Variants in AKAP19 observed in about 807,000 individuals in gnomAD.
AKAP19 encodes small A-kinase anchoring protein.
chr2:190,190,971 C>T, the AKAP19 span, among the ~76,000 whole-genome samples: 1 of 152,120 alleles, frequency 6.6e-6, no homozygotes. Context: ...AATCTATCAT[C>T]TGTCCCTATA....
At chr2:190,054,341 A>G in the AKAP19 span, among the ~76,000 whole-genome samples, 1 of 152,200 alleles carries the variant, frequency 6.6e-6, no homozygotes. Context: ...AAATTAATTC[A>G]AGATGGATTA....
At chr2:189,984,579 A>G in the AKAP19 span, among the ~76,000 whole-genome samples, 1 of 152,198 alleles carries the variant, frequency 6.6e-6, no homozygotes, top group African/African-American at 2.4e-5. Flanking sequence ...GAGGCGACAT[A>G]CATCCTCCTC....
chr2:189,955,064 C>T, the AKAP19 span, among the ~76,000 whole-genome samples: 2 of 152,144 alleles, frequency 1.3e-5, no homozygotes, highest in African/African-American at 4.8e-5. Flanking sequence ...GTACATTGTA[C>T]TCCATAGGAT....
the AKAP19 span, among the ~76,000 whole-genome samples, chr2:190,104,659 G>T: frequency 6.6e-6 from 1 of 152,060 alleles, no homozygotes; most frequent in African/African-American, 2.4e-5. Context: ...GCATGGTGGT[G>T]TGTGCCTGTA....
At chr2:190,074,502 T>C in the AKAP19 span, among the ~76,000 whole-genome samples, 2 of 151,940 alleles carry the variant, frequency 1.3e-5, no homozygotes, top group Admixed American at 1.3e-4. Context: ...AATACAAAAA[T>C]TAGCTGGGCG....
chr2:190,093,663 T>G, the AKAP19 span, among the ~76,000 whole-genome samples: 35 of 152,338 alleles, frequency 2.3e-4, no homozygotes, highest in East Asian at 6.6e-3. Flanking sequence ...ATCCATAATT[T>G]CATTTCATTT....
the AKAP19 span, among the ~76,000 whole-genome samples, chr2:189,883,771 C>T: frequency 6.6e-6 from 1 of 151,978 alleles, no homozygotes; most frequent in Non-Finnish European, 1.5e-5. Context: ...TTACAGCACT[C>T]AGTACTACTG....
chr2:190,083,621 T>G, the AKAP19 span, among the ~76,000 whole-genome samples: 1 of 152,210 alleles, frequency 6.6e-6, no homozygotes, highest in African/African-American at 2.4e-5. Context: ...TGACATTGAT[T>G]AGTGATTAGC....
At chr2:189,947,674 T>C in the AKAP19 span, among the ~76,000 whole-genome samples, 11 of 152,204 alleles carry the variant, frequency 7.2e-5, no homozygotes, top group Non-Finnish European at 1.3e-4. Flanking sequence ...TCATCATTAT[T>C]AAGTGATAAT....
the AKAP19 span, among the ~76,000 whole-genome samples, chr2:190,142,577 C>T: frequency 6.6e-6 from 1 of 152,172 alleles, no homozygotes; most frequent in Non-Finnish European, 1.5e-5. Context: ...CCAGAGGCTT[C>T]CCTATCTGTG....
At chr2:189,918,004 A>T in the AKAP19 span, among the ~76,000 whole-genome samples, 1 of 151,990 alleles carries the variant, frequency 6.6e-6, no homozygotes, top group East Asian at 1.9e-4. Flanking sequence ...ATATTACATT[A>T]TATATACATA....
the AKAP19 span, among the ~76,000 whole-genome samples, chr2:189,983,180 G>C: frequency 1.4e-4 from 22 of 152,140 alleles, no homozygotes; most frequent in Non-Finnish European, 2.8e-4. Flanking sequence ...TTATGCTCCT[G>C]TTGCAGGGCT....
chr2:189,928,454 C>A, the AKAP19 span, among the ~76,000 whole-genome samples: 1 of 151,846 alleles, frequency 6.6e-6, no homozygotes, highest in Non-Finnish European at 1.5e-5. Flanking sequence ...GTAGAAAACA[C>A]AAGAATAAAA....
the AKAP19 span, among the ~76,000 whole-genome samples, chr2:190,101,379 G>A: frequency 6.6e-6 from 1 of 152,198 alleles, no homozygotes; most frequent in Non-Finnish European, 1.5e-5. Flanking sequence ...CAGTCTGTGT[G>A]TGCCATTGCT....
chr2:190,039,016 C>CTTTCTT, the AKAP19 span, among the ~76,000 whole-genome samples: 5 of 120,482 alleles, frequency 4.1e-5, no homozygotes, highest in African/African-American at 1.8e-4. Flanking sequence ...CTTCCTCTTC[C>CTTTCTT]TCTTCCTCTT....
the AKAP19 span, chr2:190,055,710 A>G: frequency 6.6e-6 from 1 of 152,198 alleles, no homozygotes; most frequent in African/African-American, 2.4e-5. Flanking sequence ...TGTCTTTCAA[A>G]AAAATGTGAA....
the AKAP19 span, among the ~76,000 whole-genome samples, chr2:190,185,184 T>C: frequency 2.0e-5 from 3 of 152,226 alleles, no homozygotes; most frequent in Non-Finnish European, 4.4e-5. Flanking sequence ...TATTAATTTA[T>C]GCCTCCTACT....
At chr2:189,879,562 A>C in the AKAP19 span, 1 of 152,482 alleles carries the variant, frequency 6.6e-6, no homozygotes, top group East Asian at 1.9e-4. Context: ...GAAGCCCGGC[A>C]ATCTTCCGCA....
chr2:189,993,925 T>C, the AKAP19 span, among the ~76,000 whole-genome samples: 1 of 152,036 alleles, frequency 6.6e-6, no homozygotes, highest in African/African-American at 2.4e-5. Context: ...TAATGGTCTA[T>C]CAATTTTGTT....
Sources: allele counts gnomAD v4.1 joint callset (sites outside exome capture counted in the v4.1 genomes callset), GRCh38; gene constraint gnomAD v4.1.1; transcripts MANE v1.5; gene names NCBI Gene and HGNC (gene_info 2026-07-23, HGNC 2026-07-21).